The following CDKL1 variants were observed in gnomAD, a reference collection of about 807,000 sequenced individuals.
CDKL1 encodes the protein cyclin dependent kinase like 1, also known as cyclin-dependent kinase-like 1.
A neutral mutation model predicts 42.0 loss-of-function variants in CDKL1; 41 were observed. The ratio of observed to expected loss-of-function variants is 0.98; its 90% confidence interval spans 0.76 to 1.27. The LOEUF is 1.27. CDKL1 is among the 50% of genes most tolerant of loss of function. The pLI, the probability that CDKL1 is intolerant of heterozygous loss-of-function variation, is 0.00. For missense variants in CDKL1, 394 were observed against 428.4 expected, an observed-to-expected ratio of 0.92 and a Z score of 0.71; for synonymous variants, 153 against 158.6, an observed-to-expected ratio of 0.96 and a Z score of 0.26.
chr14:50,330,371 A>G, intron 9 of CDKL1, 190 bp from the exon 10 acceptor site: 1 of 594,586 alleles, frequency 1.7e-6, no homozygotes, highest in East Asian at 3.7e-5. Context: ...TGTTTATATT[A>G]AAAAGGAAAA....
chr14:50,341,301 T>A (rs2033515185), intron 5 of CDKL1, 69 bp from the exon 6 acceptor site: 1 of 1,514,764 alleles, frequency 6.6e-7, no homozygotes, highest in South Asian at 1.3e-5. Flanking sequence ...GGGGGAGATC[T>A]CAGAAGTCAA....
At chr14:50,392,454 A>AT (rs71441279) in intron 2 of CDKL1, among the ~76,000 whole-genome samples, 3 of 112,498 alleles carry the variant, frequency 2.7e-5, no homozygotes, top group African/African-American at 1.3e-4. Flanking sequence ...CAAAAAAGAA[A>AT]TAATAATAAT....
intron 4 of CDKL1, among the ~76,000 whole-genome samples, chr14:50,344,584 C>T (rs1010703173): frequency 6.6e-6 from 1 of 151,532 alleles, no homozygotes; most frequent in Non-Finnish European, 1.5e-5. Context: ...ATCCTTCCAC[C>T]TCAGCCTCCT....
chr14:50,331,205 C>T (rs1169950369), intron 9 of CDKL1: 1 of 152,336 alleles, frequency 6.6e-6, no homozygotes, highest in Non-Finnish European at 1.5e-5. Context: ...TGCACTCTAG[C>T]CTGAGCGACA....
At chr14:50,358,045 C>A (rs1221739331) in intron 3 of CDKL1, 1 of 1,353,012 alleles carries the variant, frequency 7.4e-7, no homozygotes, top group African/African-American at 1.5e-5. Flanking sequence ...CTGCCCTCAA[C>A]TTCAGGAAGG....
At chr14:50,349,999 G>C (rs779586995) in intron 3 of CDKL1, among the ~76,000 whole-genome samples, 1 of 152,162 alleles carries the variant, frequency 6.6e-6, no homozygotes, top group African/African-American at 2.4e-5. Flanking sequence ...GGCTGGGCTC[G>C]AACGCCTGAC....
intron 2 of CDKL1, among the ~76,000 whole-genome samples, chr14:50,385,987 G>A (rs553126689): frequency 1.4e-4 from 21 of 151,898 alleles, no homozygotes; most frequent in Non-Finnish European, 3.1e-4. Context: ...TTGAGTCAAT[G>A]ATAAATTTAT....
At chr14:50,343,543 A>T (rs2033626576) in intron 4 of CDKL1, among the ~76,000 whole-genome samples, 1 of 152,218 alleles carries the variant, frequency 6.6e-6, no homozygotes. Context: ...TATTGCTATA[A>T]ATGGGTACAC....
intron 2 of CDKL1, chr14:50,390,502 T>C (rs1440572354): frequency 9.9e-6 from 6 of 607,494 alleles, no homozygotes; most frequent in Non-Finnish European, 1.5e-5. Context: ...GTATGGTTTG[T>C]ATTTGTTTTG....
intron 2 of CDKL1, among the ~76,000 whole-genome samples, chr14:50,385,601 A>C (rs543880619): frequency 5.3e-5 from 8 of 152,128 alleles, no homozygotes; most frequent in Non-Finnish European, 1.2e-4. Context: ...GTCAGGAGTT[A>C]AAGACCAGCC....
intron 3 of CDKL1, among the ~76,000 whole-genome samples, chr14:50,346,983 C>G (rs1239853385): frequency 6.6e-6 from 1 of 152,142 alleles, no homozygotes; most frequent in African/African-American, 2.4e-5. Context: ...TTACCAGTAC[C>G]AGGCAACTTT....
chr14:50,394,036 T>A (rs1311086459), intron 2 of CDKL1, among the ~76,000 whole-genome samples: 2 of 152,324 alleles, frequency 1.3e-5, no homozygotes, highest in Non-Finnish European at 2.9e-5. Context: ...AAGAACTCAA[T>A]GAATTTGGGG....
intron 2 of CDKL1, among the ~76,000 whole-genome samples, chr14:50,380,834 C>G (rs1453608636): frequency 8.1e-6 from 1 of 124,092 alleles, no homozygotes; most frequent in Non-Finnish European, 1.7e-5. Flanking sequence ...TTGTTCTGTC[C>G]TCAAGGCTGG....
chr14:50,395,896 G>C lies in CDKL1; in HGVS notation c.-28C>G. 3 of 1,608,070 alleles carry C rather than the reference G, an allele frequency of 1.9e-6. No individual in the cohort carries two copies. Among genetic ancestry groups the C allele is most frequent in the South Asian group, 1.1e-5 (1 of 90,908 alleles). ...TAGAGGAATAAATCTTCTTAAAATGGATCTTCAGCCGAGAATGGTGGCTCA... is the reference window on the plus strand; with the variant it reads ...TAGAGGAATAAATCTTCTTAAAATGCATCTTCAGCCGAGAATGGTGGCTCA... On this transcript the variant is annotated 5_prime_UTR_variant, in exon 2 of 10. It adds an upstream start codon to the 5' untranslated region. Coordinates refer to ENST00000395834, the MANE Select transcript of CDKL1 (RefSeq NM_004196.7).
chr14:50,386,119 A>G (rs2035074617), intron 2 of CDKL1, among the ~76,000 whole-genome samples: 1 of 152,038 alleles, frequency 6.6e-6, no homozygotes, highest in Non-Finnish European at 1.5e-5. Flanking sequence ...AAAGAAAGAG[A>G]GAGAGAGAGG....
intron 3 of CDKL1, among the ~76,000 whole-genome samples, chr14:50,348,049 A>C (rs2033784420): frequency 6.6e-6 from 1 of 152,230 alleles, no homozygotes; most frequent in Non-Finnish European, 1.5e-5. Flanking sequence ...AAGACTTCTA[A>C]AGACAAAACC....
At chr14:50,336,102 A>G in intron 7 of CDKL1, 2 of 1,366,212 alleles carry the variant, frequency 1.5e-6, no homozygotes, top group Non-Finnish European at 9.8e-7. Flanking sequence ...TGTCTCAGCA[A>G]CAATGTCTGG....
chr14:50,347,665 A>G (rs2033772301), intron 3 of CDKL1, among the ~76,000 whole-genome samples: 1 of 152,240 alleles, frequency 6.6e-6, no homozygotes, highest in Non-Finnish European at 1.5e-5. Flanking sequence ...GGACACCCAA[A>G]GGAAGACTGT....
At chr14:50,368,763 G>T (rs188903908) in intron 2 of CDKL1, among the ~76,000 whole-genome samples, 21 of 152,064 alleles carry the variant, frequency 1.4e-4, no homozygotes, top group Admixed American at 3.9e-4. Flanking sequence ...TCTTCATTGG[G>T]CACCCATCTG....
Sources: gnomAD v4.1 joint callset for allele counts (sites outside exome capture counted in the v4.1 genomes callset) on GRCh38, gnomAD v4.1.1 for gene constraint, MANE v1.5 for transcripts, NCBI Gene and HGNC (gene_info 2026-07-23, HGNC 2026-07-21) for gene names.